Variants in FAM178B observed in about 807,000 individuals in gnomAD.
FAM178B encodes the protein protein FAM178B.
Under a neutral mutation model 91.7 loss-of-function variants are expected in FAM178B, and 82 were observed. The observed-to-expected ratio is 0.89, with a 90% CI of 0.75 to 1.07. The LOEUF (loss-of-function observed/expected upper bound fraction) is 1.07, where lower values mean the gene tolerates loss of function less well. FAM178B is among the 50% of genes least tolerant of loss of function. The pLI is 0.00. For synonymous variants in FAM178B, 368 were observed against 359.4 expected (o/e 1.02, Z -0.27); for missense variants, 769 against 846.7 (o/e 0.91, Z 1.14).
At chr2:96,932,552 C>T (rs1166771727) in intron 8 of FAM178B, among the ~76,000 whole-genome samples, 1 of 152,194 alleles carries the variant, frequency 6.6e-6, no homozygotes, top group Admixed American at 6.5e-5. Context: ...TGTCAGGCTG[C>T]CAGGCTCCAG....
chr2:96,922,399 G>C (rs1386788632), intron 10 of FAM178B, among the ~76,000 whole-genome samples: 1 of 152,190 alleles, frequency 6.6e-6, no homozygotes, highest in African/African-American at 2.4e-5. Context: ...ACCCAGGCTG[G>C]AGTGCAGTGG....
chr2:96,892,334 G>C (rs2080702569), intron 14 of FAM178B, among the ~76,000 whole-genome samples: 1 of 152,148 alleles, frequency 6.6e-6, no homozygotes, highest in South Asian at 2.1e-4. Flanking sequence ...AGGTGGTCTC[G>C]GGCTGCAGTG....
intron 14 of FAM178B, among the ~76,000 whole-genome samples, chr2:96,885,741 C>T (rs777324665): frequency 6.6e-6 from 1 of 152,082 alleles, no homozygotes; most frequent in Non-Finnish European, 1.5e-5. Context: ...CAGGGATTGG[C>T]GGGGTCTTCC....
At chr2:96,961,371 G>A (rs190668358) in intron 5 of FAM178B, among the ~76,000 whole-genome samples, 165 of 151,246 alleles carry the variant, frequency 1.1e-3, no homozygotes, top group African/African-American at 3.6e-3. Flanking sequence ...ACATATGCAC[G>A]GACACAGACA....
intron 12 of FAM178B, among the ~76,000 whole-genome samples, chr2:96,917,585 G>T (rs2081262458): frequency 6.6e-6 from 1 of 152,202 alleles, no homozygotes; most frequent in South Asian, 2.1e-4. Flanking sequence ...CTGAGGCATG[G>T]TGGCTCACAC....
chr2:96,910,479 T>C (rs1431319386), intron 12 of FAM178B, among the ~76,000 whole-genome samples: 1 of 152,216 alleles, frequency 6.6e-6, no homozygotes, highest in Admixed American at 6.5e-5. Context: ...ACGAATTGTG[T>C]AGTGTTGTTC....
At chr2:96,890,057 C>A (rs918026899) in intron 14 of FAM178B, among the ~76,000 whole-genome samples, 1 of 152,092 alleles carries the variant, frequency 6.6e-6, no homozygotes, top group South Asian at 2.1e-4. Context: ...GGGCAGATCA[C>A]CTGAGGTCAT....
intron 5 of FAM178B, among the ~76,000 whole-genome samples, chr2:96,961,310 A>AC (rs2082077256): frequency 1.3e-5 from 1 of 78,784 alleles, no homozygotes; most frequent in Non-Finnish European, 2.6e-5. Context: ...ACAGCAGCAG[A>AC]GGGTGTGTGT....
At chr2:96,967,652 C>A (rs1259170257) in intron 4 of FAM178B, 25 bp from the exon 5 acceptor site, 1 of 1,490,606 alleles carries the variant, frequency 6.7e-7, no homozygotes, top group African/African-American at 1.4e-5. Context: ...GGGCCAGAGC[C>A]GGGGGTCAGT....
rs191628690 is a variant in FAM178B at position 96,907,977 on chromosome 2, C to A, written c.1563-5270G>T. ...GCCTGTTCCACCGTGGCAATGCTGC[C>A]TGACATGCTGCCTCAGGGCGTCCGC... On this transcript the variant is annotated intron_variant, in intron 12 of 16. Transcript: ENST00000490605. Among the ~76,000 whole-genome samples the A allele has an allele frequency of 3.5e-4, 54 of 152,388 alleles. 1 individual carries two copies. The highest frequency in any genetic ancestry group is 5.9e-5 in the Non-Finnish European group (4 of 68,044).
At chr2:96,896,610 G>A (rs2080828777) in intron 13 of FAM178B, among the ~76,000 whole-genome samples, 1 of 152,166 alleles carries the variant, frequency 6.6e-6, no homozygotes, top group Admixed American at 6.5e-5. Context: ...GGGAAGAGGT[G>A]GTGGAGGCTG....
intron 1 of FAM178B, among the ~76,000 whole-genome samples, chr2:96,977,194 CAAAAAAAA>C (rs70964891): frequency 5.2e-5 from 2 of 38,502 alleles, no homozygotes; most frequent in Non-Finnish European, 9.3e-5. Context: ...GACTCTGTCT[CAAAAAAAA>C]AAAAAAAAAA....
At chr2:96,934,903 C>T (rs1238352962) in intron 8 of FAM178B, among the ~76,000 whole-genome samples, 2 of 152,222 alleles carry the variant, frequency 1.3e-5, no homozygotes, top group Admixed American at 1.3e-4. Context: ...ATAACCAACT[C>T]TGCACCCGCC....
chr2:96,900,315 G>A (rs756555402), intron 13 of FAM178B, among the ~76,000 whole-genome samples: 3 of 151,946 alleles, frequency 2.0e-5, no homozygotes, highest in Non-Finnish European at 4.4e-5. Context: ...CCTCAGCACC[G>A]GTCACCTCCT....
chr2:96,966,423 T>C (rs1350352495), intron 5 of FAM178B, among the ~76,000 whole-genome samples: 4 of 152,198 alleles, frequency 2.6e-5, no homozygotes, highest in African/African-American at 9.7e-5. Flanking sequence ...GCCCCCAGCG[T>C]TAGCCTTTCT....
chr2:96,894,724 G>C (rs2080778194), intron 13 of FAM178B, among the ~76,000 whole-genome samples: 1 of 72,106 alleles, frequency 1.4e-5, no homozygotes, highest in African/African-American at 6.2e-5. Context: ...GACATACACA[G>C]ACCTACATAC....
At chr2:96,979,158 G>C (rs1480889164) in intron 1 of FAM178B, among the ~76,000 whole-genome samples, 1 of 149,500 alleles carries the variant, frequency 6.7e-6, no homozygotes, top group Non-Finnish European at 1.5e-5. Context: ...TTGTATTTTA[G>C]TAGAGATGGG....
chr2:96,924,626 C>T (rs1043896954), intron 9 of FAM178B, among the ~76,000 whole-genome samples: 14 of 152,200 alleles, frequency 9.2e-5, no homozygotes, highest in Admixed American at 5.2e-4. Flanking sequence ...GCTCACAGGA[C>T]GAGAGCCTGG....
chr2:96,881,607 C>A (rs1297911707), intron 14 of FAM178B, among the ~76,000 whole-genome samples: 1 of 151,920 alleles, frequency 6.6e-6, no homozygotes, highest in African/African-American at 2.4e-5. Flanking sequence ...TGGGGAGGGT[C>A]TGAGATCTGA....
Sources: gnomAD v4.1 joint callset for allele counts (sites outside exome capture counted in the v4.1 genomes callset) on GRCh38, gnomAD v4.1.1 for gene constraint, MANE v1.5 for transcripts, NCBI Gene and HGNC (gene_info 2026-07-23, HGNC 2026-07-21) for gene names.